The following CNTNAP2 variants were observed in gnomAD, a reference collection of about 807,000 sequenced individuals.
CNTNAP2 encodes contactin-associated protein-like 2.
Under a neutral mutation model 155.2 loss-of-function variants are expected in CNTNAP2, and 98 were observed. That is an observed-to-expected ratio of 0.63 (90% CI 0.54 to 0.75). CNTNAP2 has a LOEUF of 0.75. CNTNAP2 is among the 30% of genes least tolerant of loss of function. The pLI is 0.00. For missense variants in CNTNAP2, 1,727 were observed against 1,688.1 expected, an observed-to-expected ratio of 1.02 and a Z score of -0.40; for synonymous variants, 651 against 631.2, an observed-to-expected ratio of 1.03 and a Z score of -0.47.
intron 15 of CNTNAP2, among the ~76,000 whole-genome samples, chr7:148,031,760 C>T (rs1315208105): frequency 6.6e-6 from 1 of 152,156 alleles, no homozygotes; most frequent in African/African-American, 2.4e-5. Context: ...TTACACAGTG[C>T]ACCTCTTTCC....
chr7:147,721,943 T>A (rs979532850), intron 13 of CNTNAP2, among the ~76,000 whole-genome samples: 1 of 152,192 alleles, frequency 6.6e-6, no homozygotes. Context: ...TACTAAACAC[T>A]GGAAATTATA....
At chr7:148,270,339 G>C (rs1796752185) in intron 21 of CNTNAP2, among the ~76,000 whole-genome samples, 1 of 152,186 alleles carries the variant, frequency 6.6e-6, no homozygotes, top group South Asian at 2.1e-4. Flanking sequence ...AGGTAACTGT[G>C]CATGTGGCAG....
intron 21 of CNTNAP2, among the ~76,000 whole-genome samples, chr7:148,323,782 G>A (rs1273462395): frequency 6.6e-6 from 1 of 152,088 alleles, no homozygotes; most frequent in Non-Finnish European, 1.5e-5. Flanking sequence ...TGTGAAGAGG[G>A]AGGAGGCGTG....
At chr7:146,682,824 A>AATTTTTCTT (rs1800528770) in intron 1 of CNTNAP2, among the ~76,000 whole-genome samples, 1 of 152,124 alleles carries the variant, frequency 6.6e-6, no homozygotes, top group South Asian at 2.1e-4. Context: ...AATATTAAAG[A>AATTTTTCTT]CCTTCTTTTG....
intron 20 of CNTNAP2, among the ~76,000 whole-genome samples, chr7:148,248,200 A>G (rs1270888270): frequency 8.5e-6 from 1 of 117,022 alleles, no homozygotes; most frequent in Non-Finnish European, 1.9e-5. Context: ...TACCTGTTCT[A>G]TAATTTTTTT....
chr7:146,903,219 G>A (rs937803468), intron 3 of CNTNAP2, among the ~76,000 whole-genome samples: 3 of 152,158 alleles, frequency 2.0e-5, no homozygotes, highest in African/African-American at 7.2e-5. Context: ...ACCTTGAGGG[G>A]TTGGATAAAA....
intron 14 of CNTNAP2, among the ~76,000 whole-genome samples, chr7:147,911,064 C>A (rs1323646357): frequency 6.6e-6 from 1 of 152,156 alleles, no homozygotes; most frequent in Non-Finnish European, 1.5e-5. Flanking sequence ...TCTCCAGAGC[C>A]GTTTTTATCT....
intron 8 of CNTNAP2, among the ~76,000 whole-genome samples, chr7:147,189,747 T>C: frequency 6.7e-6 from 1 of 149,336 alleles, no homozygotes; most frequent in Middle Eastern, 3.5e-3. Context: ...CACCACTTTT[T>C]TTTGTTGTTG....
chr7:147,794,581 A>G (rs1047059321), intron 13 of CNTNAP2, among the ~76,000 whole-genome samples: 2 of 150,784 alleles, frequency 1.3e-5, no homozygotes, highest in African/African-American at 2.4e-5. Flanking sequence ...AATTCATAAG[A>G]GATTTCAGTA....
intron 12 of CNTNAP2, among the ~76,000 whole-genome samples, chr7:147,634,188 C>G (rs1795138969): frequency 1.3e-5 from 2 of 152,180 alleles, no homozygotes; most frequent in African/African-American, 4.8e-5. Context: ...GCAATTGCAA[C>G]AATATGGAAC....
chr7:146,448,854 G>A (rs751137732), intron 1 of CNTNAP2, among the ~76,000 whole-genome samples: 3 of 151,946 alleles, frequency 2.0e-5, no homozygotes, highest in Non-Finnish European at 2.9e-5. Context: ...ACTTATATCC[G>A]TCTGCTGGAT....
chr7:146,837,843 C>T (rs1803647782), intron 2 of CNTNAP2, among the ~76,000 whole-genome samples: 1 of 152,094 alleles, frequency 6.6e-6, no homozygotes, highest in Non-Finnish European at 1.5e-5. Flanking sequence ...TACTGAATGC[C>T]TGGAGGGATT....
At position 146,718,458 on chromosome 7, in the gene CNTNAP2, A is replaced by T. The variant is rs1801229518; in HGVS notation, c.98-55813A>T. Among the ~76,000 whole-genome samples the T allele has an allele frequency of 2.0e-5, 3 of 152,078 alleles. No individual in the cohort carries two copies. The South Asian group carries it at 6.2e-4, about 32-fold the overall frequency. On this transcript the variant is annotated intron_variant, in intron 1 of 23. Coordinates refer to ENST00000361727, the MANE Select transcript of CNTNAP2 (RefSeq NM_014141.6). The stretch of plus-strand genomic sequence containing the variant: ...GGGTGCTAAGGACTGCTTGGAGTCT[A>T]AGTGGGAAAATGGCATTCTGTGACT...
intron 15 of CNTNAP2, among the ~76,000 whole-genome samples, chr7:147,993,886 C>G (rs905866372): frequency 2.6e-5 from 4 of 152,050 alleles, no homozygotes; most frequent in Non-Finnish European, 4.4e-5. Context: ...GTTTCCTTCC[C>G]CCTTCACAAG....
chr7:146,827,609 A>G (rs1185508551), intron 2 of CNTNAP2, among the ~76,000 whole-genome samples: 7 of 151,954 alleles, frequency 4.6e-5, no homozygotes, highest in Admixed American at 3.9e-4. Flanking sequence ...ATTATGCCTA[A>G]TTAACTATGC....
chr7:146,271,658 A>G (rs920430808), intron 1 of CNTNAP2, among the ~76,000 whole-genome samples: 2 of 151,936 alleles, frequency 1.3e-5, no homozygotes, highest in African/African-American at 4.8e-5. Flanking sequence ...AGAAATGTTA[A>G]ATGAAATTAT....
intron 10 of CNTNAP2, among the ~76,000 whole-genome samples, chr7:147,437,057 G>A (rs1436751869): frequency 6.6e-6 from 1 of 151,896 alleles, no homozygotes; most frequent in East Asian, 1.9e-4. Flanking sequence ...CCAGCTGAGG[G>A]AACTGCTAAG....
At chr7:147,194,466 C>G (rs1024828716) in intron 8 of CNTNAP2, among the ~76,000 whole-genome samples, 1 of 152,130 alleles carries the variant, frequency 6.6e-6, no homozygotes, top group Non-Finnish European at 1.5e-5. Flanking sequence ...ATTGCTGGAT[C>G]AAATGGTATT....
chr7:146,708,636 G>A (rs28450532), intron 1 of CNTNAP2, among the ~76,000 whole-genome samples: 7,022 of 101,890 alleles, frequency 0.069, 605 homozygotes, highest in African/African-American at 0.21. Flanking sequence ...TCACTGTGTT[G>A]CCCTGGCTGG....
Sources: gnomAD v4.1 joint callset for allele counts (sites outside exome capture counted in the v4.1 genomes callset) on GRCh38, gnomAD v4.1.1 for gene constraint, MANE v1.5 for transcripts, NCBI Gene and HGNC (gene_info 2026-07-23, HGNC 2026-07-21) for gene names.